The following ADGRB1 variants were observed in gnomAD, a reference collection of about 807,000 sequenced individuals.
ADGRB1 encodes the protein adhesion G protein-coupled receptor B1.
ADGRB1 carries 36 observed loss-of-function variants against 175.7 expected under a neutral mutation model. That is an observed-to-expected ratio of 0.20 (90% CI 0.16 to 0.27). The LOEUF is 0.27. Among genes scored for constraint, ADGRB1 ranks in the 10% least tolerant of loss-of-function variants. The pLI is 1.00. For missense variants in ADGRB1, 1,731 were observed against 2,255.3 expected (o/e 0.77, Z 4.71); for synonymous variants, 1,054 against 979.4 (o/e 1.08, Z -1.42).
At position 142,476,712 on chromosome 8, in the gene ADGRB1, G is replaced by A; in HGVS notation, c.1057+17G>A. ...CCCAGACCGGTGAGCTGGCGGGAGG[G>A]GGGTGGGTGGGACTAGGGCTTTGGG... On this transcript the variant is annotated intron_variant, in intron 4 of 30. Coordinates refer to ENST00000517894, the MANE Select transcript of ADGRB1 (RefSeq NM_001702.3). The A allele has an allele frequency of 1.3e-6, 2 of 1,538,412 alleles. No individual in the cohort carries two copies. The highest frequency in any genetic ancestry group is 2.0e-5 in the Admixed American group (1 of 50,524).
chr8:142,528,538 C>T (rs1035128992), intron 24 of ADGRB1, among the ~76,000 whole-genome samples: 4 of 152,138 alleles, frequency 2.6e-5, no homozygotes, highest in African/African-American at 9.7e-5. Flanking sequence ...TTTAATTTCA[C>T]TTGCAGTCAG....
Position 142,522,676 on chromosome 8 carries a change from T to G in ADGRB1, c.3211T>G (p.Phe1071Val). 1 of 1,562,458 alleles carries G rather than the reference T, an allele frequency of 6.4e-7. No individual in the cohort carries two copies. The highest frequency in any genetic ancestry group is 8.7e-7 in the Non-Finnish European group (1 of 1,155,348). ...PALVVAISVGFTKAKGYSTMN... is the reference protein window; with the variant it reads ...PALVVAISVGVTKAKGYSTMN... ...ACTGGTTGTGGCCATTTCTGTGGGA[T>G]TCACCAAGGCCAAAGGGTACAGCAC... is the stretch of plus-strand genomic sequence containing the variant. Residue 1071 changes from phenylalanine to valine, a missense_variant, in exon 22 of 31, where the codon TTC becomes GTC. This residue lies in a region of ADGRB1 where 301 missense variants were observed against 488.4 expected (regional missense o/e 0.62). Transcript: ENST00000517894.
chr8:142,532,587 T>C (rs542806493), intron 24 of ADGRB1, among the ~76,000 whole-genome samples: 16 of 152,224 alleles, frequency 1.1e-4, no homozygotes, highest in African/African-American at 3.9e-4. Flanking sequence ...AGTCTGTCTG[T>C]TGCCGTCTGT....
At position 142,476,568 on chromosome 8, in the gene ADGRB1, C is replaced by T. The variant is rs956402873; in HGVS notation, c.947-17C>T. The T allele has an allele frequency of 1.3e-6, 2 of 1,547,488 alleles. No homozygotes were observed. Among genetic ancestry groups the T allele is most frequent in the Non-Finnish European group, 1.7e-6 (2 of 1,145,634 alleles). On this transcript the variant is annotated splice_polypyrimidine_tract_variant and intron_variant, in intron 3 of 30. Transcript: ENST00000517894. ...GGCAAAGAACCGCTCCTGTGCTGAC[C>T]TAAGCCCGTCCTGCAGCCGCTGGGC...
rs568695451 is a variant in ADGRB1, at chr8:142,467,789, A to ACCT, written c.784+2807_784+2808insCCT. On this transcript the variant is annotated intron_variant, in intron 2 of 30. Transcript: ENST00000517894. ...GGTCTCTCATCCCCTCAGGCCCCTC[A>ACCT]TCTTTAAAACAGGAAGGGTAAAAAT... Among the ~76,000 whole-genome samples, 47 of 152,354 alleles carry ACCT rather than the reference A, an allele frequency of 3.1e-4. No homozygotes were observed. In the South Asian group the frequency reaches 9.5e-3, roughly 31 times the overall value.
chr8:142,541,486 A>T (rs1301776780), intron 27 of ADGRB1, among the ~76,000 whole-genome samples: 2 of 152,148 alleles, frequency 1.3e-5, no homozygotes, highest in Non-Finnish European at 2.9e-5. Flanking sequence ...ACTCAGCACC[A>T]CTGGGCTCCC....
chr8:142,517,074 AGGGGAAGGGTCTTCTGGGGGCACCGCT>A (rs1203963628), intron 18 of ADGRB1, among the ~76,000 whole-genome samples: 8 of 151,846 alleles, frequency 5.3e-5, no homozygotes, highest in African/African-American at 1.9e-4. Flanking sequence ...TCATGCGAAG[AGGGGAAGGGTCTTCTGGGGGCACCGCT>A]GGGGAAGAGC....
intron 26 of ADGRB1, among the ~76,000 whole-genome samples, chr8:142,538,830 A>G (rs1367799393): frequency 2.0e-5 from 3 of 152,076 alleles, no homozygotes; most frequent in African/African-American, 7.2e-5. Flanking sequence ...GCCCCCTTGG[A>G]GGGATGTGGG....
rs1378377765 is a variant in ADGRB1 at position 142,510,837 on chromosome 8, G to A, written c.2676-95G>A. 1.7e-5 allele frequency: 11 copies of A among 637,142 alleles called. No homozygotes were observed. The highest frequency in any genetic ancestry group is 2.0e-5 in the African/African-American group (1 of 49,528). 39.5% of individuals were successfully genotyped at this position (637,142 alleles called of 1,614,324 possible). On this transcript the variant is annotated intron_variant, in intron 17 of 30. Transcript: ENST00000517894. The surrounding 1 kb of genome is among the most constrained non-coding windows in gnomAD (Gnocchi z 6.3). ...GGGGCGGCGGGCCGGGGCCGGGGCC[G>A]GGGCGCGGAGCCGCCGCTCGGGGGC...
chr8:142,544,206 G>A lies in ADGRB1; in HGVS notation c.4558-14G>A, dbSNP rs943315596. 9 of 1,547,816 alleles carry A rather than the reference G, an allele frequency of 5.8e-6. No individual in the cohort carries two copies. The highest frequency in any genetic ancestry group is 4.8e-5 in the South Asian group (4 of 83,938). ...CCGGGCCCCACCCCTCCTGCACCAC[G>A]GGCCACCCAGCAGCCGGAAAAGCAG... On this transcript the variant is annotated splice_polypyrimidine_tract_variant and intron_variant, in intron 30 of 30. Transcript: ENST00000517894.
chr8:142,490,939 G>T (rs888139913), intron 17 of ADGRB1, 124 bp downstream of exon 17: 5 of 1,273,696 alleles, frequency 3.9e-6, no homozygotes, highest in East Asian at 2.6e-5. Flanking sequence ...CTGTGTACCC[G>T]CATGGGCCTC....
rs564913916 is a variant in ADGRB1, at chr8:142,492,258, G to A, written c.2675+1443G>A. Among the ~76,000 whole-genome samples the A allele has an allele frequency of 1.3e-5, 2 of 152,114 alleles. No homozygotes were observed. Among genetic ancestry groups the A allele is most frequent in the East Asian group, 1.9e-4 (1 of 5,164 alleles). On this transcript the variant is annotated intron_variant, in intron 17 of 30. Coordinates refer to ENST00000517894, the MANE Select transcript of ADGRB1 (RefSeq NM_001702.3). The surrounding 1 kb of genome is among the most constrained non-coding windows in gnomAD (Gnocchi z 4.4). ...CTGTTCTTTAATCCATCCGCCCATC[G>A]CCCACTGCTCACCACCCTTCCTCCG...
chr8:142,522,722 C>T lies in ADGRB1; in HGVS notation c.3245+12C>T. 2 of 1,497,114 alleles carry T rather than the reference C, an allele frequency of 1.3e-6. No individual in the cohort carries two copies. The highest frequency in any genetic ancestry group is 5.3e-5 in the East Asian group (2 of 38,066). The allele number at this position is 1,497,114 out of a possible 1,614,324, so 92.7% of individuals were successfully genotyped here. A position where few individuals can be genotyped will look rare whatever the true frequency, so the allele number is the denominator to read the frequency against. ...AGCACCATGAACTAGTGAGTCGGGG[C>T]ATTGGGGGTGTGGTGGATGGCCACA... On this transcript the variant is annotated intron_variant, in intron 22 of 30. Coordinates refer to ENST00000517894, the MANE Select transcript of ADGRB1 (RefSeq NM_001702.3).
intron 17 of ADGRB1, among the ~76,000 whole-genome samples, chr8:142,497,197 G>A (rs1842257530): frequency 6.6e-6 from 1 of 152,224 alleles, no homozygotes; most frequent in Non-Finnish European, 1.5e-5. Context: ...CATCTGGCCT[G>A]TGCGGGCCTC....
chr8:142,538,281 T>G (rs1424968239), intron 26 of ADGRB1, among the ~76,000 whole-genome samples: 1 of 152,188 alleles, frequency 6.6e-6, no homozygotes, highest in Non-Finnish European at 1.5e-5. Flanking sequence ...TCACAGTGGT[T>G]GTGAAGCTCA....
At chr8:142,485,319 T>G (rs1161010750) in intron 13 of ADGRB1, among the ~76,000 whole-genome samples, 1 of 152,214 alleles carries the variant, frequency 6.6e-6, no homozygotes, top group African/African-American at 2.4e-5. Flanking sequence ...ATTTAATGAC[T>G]GTTACTACAG....
Position 142,510,930 on chromosome 8 carries a change from A to G in ADGRB1, c.2676-2A>G. ...TCCCTCCCGTGTCCCGCCCGCCCCC[A>G]GACCCTCCTCCTCCGCCCCCCCGCA... is the stretch of plus-strand genomic sequence containing the variant. On this transcript the variant is annotated splice_acceptor_variant, in intron 17 of 30. Transcript: ENST00000517894. LOFTEE classifies it high-confidence loss of function. The surrounding 1 kb of genome is among the most constrained non-coding windows in gnomAD (Gnocchi z 6.3). 3.1e-6 allele frequency: 1 copy of G among 318,682 alleles called. No homozygotes were observed. The highest frequency in any genetic ancestry group is 5.1e-6 in the Non-Finnish European group (1 of 197,728). The allele number at this position is 318,682 out of a possible 1,614,324, so 19.7% of individuals were successfully genotyped here.
At chr8:142,536,181 C>T (rs1378965430) in intron 25 of ADGRB1, among the ~76,000 whole-genome samples, 1 of 151,922 alleles carries the variant, frequency 6.6e-6, no homozygotes, top group Non-Finnish European at 1.5e-5. Context: ...TTGGATGCCT[C>T]CTCCAGGAAG....
chr8:142,501,647 T>C (rs1384146869), intron 17 of ADGRB1, among the ~76,000 whole-genome samples: 1 of 131,442 alleles, frequency 7.6e-6, no homozygotes, highest in Admixed American at 7.5e-5. Flanking sequence ...GTGGTGGTGG[T>C]GATGATGGGG....
Sources: allele counts gnomAD v4.1 joint callset (sites outside exome capture counted in the v4.1 genomes callset), GRCh38; gene constraint gnomAD v4.1.1; regional missense constraint gnomAD v4.1.1; non-coding constraint Gnocchi (gnomAD v3.1); transcripts MANE v1.5; gene names NCBI Gene and HGNC (gene_info 2026-07-23, HGNC 2026-07-21).